DNAJB1: variants seen among roughly 807,000 people sequenced by gnomAD.
DNAJB1 encodes dnaJ homolog subfamily B member 1.
In DNAJB1, 14 loss-of-function variants were observed where a neutral mutation model predicts 24.0. The ratio of observed to expected loss-of-function variants is 0.58; its 90% CI spans 0.39 to 0.91. DNAJB1 has a LOEUF of 0.91. DNAJB1 is among the 40% of genes least tolerant of loss of function. The probability of loss-of-function intolerance (pLI) is 0.00; values close to 1 mark genes in which losing one functional copy is unlikely to be tolerated. For synonymous variants in DNAJB1, 262 were observed against 174.4 expected (o/e 1.50, Z -3.96); for missense variants, 517 against 458.1 (o/e 1.13, Z -1.17).
upstream of DNAJB1, among the ~76,000 whole-genome samples, chr19:14,553,767 G>A (rs1225318951): frequency 2.6e-5 from 4 of 152,136 alleles, no homozygotes; most frequent in African/African-American, 9.6e-5. Flanking sequence ...CCAGGCCTCC[G>A]ACCTCTATGC....
At chr19:14,543,987 C>A (rs1315195682) in intron 1 of DNAJB1, among the ~76,000 whole-genome samples, 1 of 152,100 alleles carries the variant, frequency 6.6e-6, no homozygotes, top group Middle Eastern at 3.2e-3. Context: ...ATCCTCCCGC[C>A]TCAGCCTCCC....
chr19:14,557,924 T>A (rs2073787590), intron 1 of DNAJB1, among the ~76,000 whole-genome samples: 1 of 151,578 alleles, frequency 6.6e-6, no homozygotes. Flanking sequence ...CCCGGCTAAT[T>A]TTTTGTATTT....
At chr19:14,544,989 C>A in intron 1 of DNAJB1, 2 of 409,282 alleles carry the variant, frequency 4.9e-6, no homozygotes, top group South Asian at 1.7e-5. Flanking sequence ...GTGTCCTTTT[C>A]ACTCCTTCCC....
At chr19:14,556,719 A>C (rs900377903) in intron 1 of DNAJB1, among the ~76,000 whole-genome samples, 1 of 152,156 alleles carries the variant, frequency 6.6e-6, no homozygotes, top group Admixed American at 6.5e-5. Flanking sequence ...TTAAGGTCCC[A>C]TTCTGCACCA....
At position 14,535,574 on chromosome 19, in the gene DNAJB1, ATATATATATATATATG is replaced by A. The variant is rs1178568432; in HGVS notation, c.-213-7780_-213-7765del. Among the ~76,000 whole-genome samples the A allele has an allele frequency of 8.8e-4, 32 of 36,454 alleles. No homozygotes were observed. The South Asian group carries it at 0.011, about 13-fold the overall frequency. 23.9% of individuals were successfully genotyped at this position (36,454 alleles called of 152,430 possible). A position where few individuals can be genotyped will look rare whatever the true frequency, so the allele number is the denominator to read the frequency against. On this transcript the variant is annotated intron_variant, in intron 1 of 3. Transcript: ENST00000676982. Reference sequence around the variant, plus strand: ...TATATATATATATATATATATATATATATATATATATATATGTATGTATATATAAATTAGCCAGGCA... The same window carrying A: ...TATATATATATATATATATATATATATATGTATATATAAATTAGCCAGGCA...
At chr19:14,551,963 C>T (rs1403332574), upstream of DNAJB1, among the ~76,000 whole-genome samples, 106 of 121,572 alleles carry the variant, frequency 8.7e-4, no homozygotes, top group African/African-American at 3.1e-3. Context: ...CTCTCTCTCT[C>T]TCTCTCTCTT....
chr19:14,534,237 G>T (rs1031976854), upstream of DNAJB1, among the ~76,000 whole-genome samples: 1 of 151,166 alleles, frequency 6.6e-6, no homozygotes, highest in Non-Finnish European at 1.5e-5. Flanking sequence ...CCATTCTCCT[G>T]CCTCAGCCTC....
chr19:14,529,826 G>A (rs748194576), upstream of DNAJB1: 20 of 1,477,366 alleles, frequency 1.4e-5, no homozygotes, highest in Non-Finnish European at 1.8e-5. Flanking sequence ...GAGCCAGACG[G>A]CGCAGGCGCA....
At chr19:14,551,917 C>T (rs1467543491), upstream of DNAJB1, among the ~76,000 whole-genome samples, 1 of 127,272 alleles carries the variant, frequency 7.9e-6, no homozygotes, top group African/African-American at 2.9e-5. Flanking sequence ...CTCTCCCCCT[C>T]CCTCCCTCCC....
chr19:14,535,560 A>ATG (rs1568396529), intron 1 of DNAJB1, among the ~76,000 whole-genome samples: 21 of 21,860 alleles, frequency 9.6e-4, no homozygotes, highest in African/African-American at 3.5e-3. Context: ...ATATATATAT[A>ATG]TATATATATA....
At chr19:14,529,672 G>T (rs182986875), upstream of DNAJB1, 1 of 1,613,834 alleles carries the variant, frequency 6.2e-7, no homozygotes, top group Non-Finnish European at 8.5e-7. Context: ...CAGCCGCGGA[G>T]CAGTAGCCGC....
At chr19:14,556,741 G>A (rs974421849) in intron 1 of DNAJB1, among the ~76,000 whole-genome samples, 2 of 152,200 alleles carry the variant, frequency 1.3e-5, no homozygotes, top group African/African-American at 4.8e-5. Flanking sequence ...AGCTGTCTCC[G>A]TCCCTGACAT....
At chr19:14,546,356 G>A (rs2146590403) in intron 1 of DNAJB1, among the ~76,000 whole-genome samples, 1 of 152,192 alleles carries the variant, frequency 6.6e-6, no homozygotes, top group African/African-American at 2.4e-5. Flanking sequence ...GAAGGCTGAG[G>A]TGGGCGGATC....
chr19:14,530,941 C>T, upstream of DNAJB1: 1 of 152,330 alleles, frequency 6.6e-6, no homozygotes, highest in East Asian at 1.9e-4. Context: ...CTCCCCATTC[C>T]TCTCCACCTC....
chr19:14,553,358 G>A (rs1013669812), upstream of DNAJB1, among the ~76,000 whole-genome samples: 4 of 152,136 alleles, frequency 2.6e-5, no homozygotes, highest in East Asian at 1.9e-4. Flanking sequence ...GGAGCAGAGC[G>A]GTCCAGGGAC....
At chr19:14,516,327 G>T in intron 2 of DNAJB1, 139 bp downstream of exon 2, 3 of 1,251,882 alleles carry the variant, frequency 2.4e-6, no homozygotes, top group Non-Finnish European at 2.2e-6. Context: ...CCACAACAGC[G>T]CCCTGGTCAG....
chr19:14,535,780 GA>G (rs2072878750), intron 1 of DNAJB1, among the ~76,000 whole-genome samples: 1 of 114,712 alleles, frequency 8.7e-6, no homozygotes. Flanking sequence ...AAAAAAAAGG[GA>G]AAGTGGTGAG....
upstream of DNAJB1, among the ~76,000 whole-genome samples, chr19:14,533,548 A>G (rs77641373): frequency 0.016 from 2,432 of 152,276 alleles, 49 homozygotes; most frequent in African/African-American, 0.052. Context: ...GCAGTTTACA[A>G]CTGATAGAGG....
chr19:14,560,006 G>A (rs114494378), intron 1 of DNAJB1, among the ~76,000 whole-genome samples: 3,159 of 152,118 alleles, frequency 0.021, 49 homozygotes, highest in Non-Finnish European at 0.024. Flanking sequence ...GGGCCCCTAG[G>A]TGCTGCCTTG....
Sources: gnomAD v4.1 joint callset for allele counts (sites outside exome capture counted in the v4.1 genomes callset) on GRCh38, gnomAD v4.1.1 for gene constraint, MANE v1.5 for transcripts, NCBI Gene and HGNC (gene_info 2026-07-23, HGNC 2026-07-21) for gene names.